Variants in NTNG1 observed in about 807,000 individuals in gnomAD.
NTNG1 encodes netrin G1, also known as netrin-G1.
A neutral mutation model predicts 54.0 loss-of-function variants in NTNG1; 16 were observed. That is an observed-to-expected ratio of 0.30 (90% CI 0.20 to 0.45). NTNG1 has a LOEUF of 0.45. Ranked by LOEUF, NTNG1 falls within the 20% of genes least tolerant of loss-of-function variation. The pLI is 1.00. For missense variants in NTNG1, 530 were observed against 678.7 expected (o/e 0.78, Z 2.43); for synonymous variants, 255 against 263.1 (o/e 0.97, Z 0.30).
At chr1:107,389,515 T>C (rs1344511133) in intron 3 of NTNG1, among the ~76,000 whole-genome samples, 2 of 152,172 alleles carry the variant, frequency 1.3e-5, no homozygotes, top group African/African-American at 2.4e-5. Flanking sequence ...ATAAGCAAGA[T>C]TAAATTGACT....
intron 3 of NTNG1, among the ~76,000 whole-genome samples, chr1:107,393,335 C>T (rs1002930552): frequency 2.6e-5 from 4 of 152,120 alleles, no homozygotes; most frequent in African/African-American, 4.8e-5. Flanking sequence ...TATAGAAACA[C>T]ACCCATAAAT....
At chr1:107,194,713 T>C (rs761319690) in intron 2 of NTNG1, among the ~76,000 whole-genome samples, 7 of 152,056 alleles carry the variant, frequency 4.6e-5, no homozygotes, top group Non-Finnish European at 7.4e-5. Flanking sequence ...TTTATCACAA[T>C]GCAATTTGCT....
intron 3 of NTNG1, among the ~76,000 whole-genome samples, chr1:107,361,391 A>ATTTTTTT (rs1177736263): frequency 2.3e-5 from 2 of 87,974 alleles, no homozygotes; most frequent in East Asian, 3.3e-4. Context: ...ATATATATAT[A>ATTTTTTT]TTTTTTTTTT....
At chr1:107,327,305 G>A (rs545014565) in intron 3 of NTNG1, among the ~76,000 whole-genome samples, 7 of 152,222 alleles carry the variant, frequency 4.6e-5, no homozygotes, top group South Asian at 2.1e-4. Context: ...TGGCTCGGGC[G>A]TGTCTCCAGC....
intron 2 of NTNG1, among the ~76,000 whole-genome samples, chr1:107,169,466 T>C (rs540866494): frequency 6.6e-6 from 1 of 152,250 alleles, no homozygotes; most frequent in Admixed American, 6.5e-5. Flanking sequence ...TCTCATTTGC[T>C]GGTCCTTAGA....
At chr1:107,431,034 G>A (rs1675228946) in intron 6 of NTNG1, 117 bp downstream of exon 6, 2 of 837,450 alleles carry the variant, frequency 2.4e-6, no homozygotes, top group South Asian at 1.8e-5. Flanking sequence ...CTTTCTCAAT[G>A]TAGAAAATAT....
intron 2 of NTNG1, among the ~76,000 whole-genome samples, chr1:107,193,629 T>A (rs1658118451): frequency 6.6e-6 from 1 of 151,982 alleles, no homozygotes; most frequent in African/African-American, 2.4e-5. Context: ...TTGAGTGAAG[T>A]TAGGTGACTT....
intron 3 of NTNG1, among the ~76,000 whole-genome samples, chr1:107,347,680 G>A (rs533603421): frequency 7.9e-5 from 12 of 152,184 alleles, no homozygotes; most frequent in African/African-American, 2.4e-4. Flanking sequence ...AGAAATACCC[G>A]AGACTGGGTA....
Position 107,228,879 on chromosome 1 carries a change from G to C in NTNG1, c.246+80040G>C, listed in dbSNP as rs146927445. Among the ~76,000 whole-genome samples the C allele has an allele frequency of 7.2e-5, 11 of 152,286 alleles. No individual in the cohort carries two copies. The East Asian group carries it at 2.1e-3, about 29-fold the overall frequency. On this transcript the variant is annotated intron_variant, in intron 2 of 7. Transcript: ENST00000370068. ...TAAATGGCAAGACAAGCCATGTGCT[G>C]TGGTCAGCCTTCCAGGGCTGGCAGC...
chr1:107,171,469 T>C (rs1021259690), intron 2 of NTNG1, among the ~76,000 whole-genome samples: 5 of 152,250 alleles, frequency 3.3e-5, no homozygotes, highest in African/African-American at 9.6e-5. Flanking sequence ...GAAGGACTTT[T>C]ATGACTTGAG....
At chr1:107,472,886 T>A (rs1678073542) in intron 7 of NTNG1, among the ~76,000 whole-genome samples, 1 of 152,070 alleles carries the variant, frequency 6.6e-6, no homozygotes, top group Non-Finnish European at 1.5e-5. Flanking sequence ...ATCTCACATA[T>A]CACAACTTAG....
chr1:107,340,223 TAGAA>T (rs1404680191), intron 3 of NTNG1, among the ~76,000 whole-genome samples: 1 of 152,064 alleles, frequency 6.6e-6, no homozygotes, highest in Non-Finnish European at 1.5e-5. Flanking sequence ...TATATATGCT[TAGAA>T]AGACATGCTT....
intron 3 of NTNG1, among the ~76,000 whole-genome samples, chr1:107,384,205 A>C (rs764496091): frequency 2.6e-5 from 4 of 152,174 alleles, no homozygotes; most frequent in Non-Finnish European, 5.9e-5. Flanking sequence ...CCTCCCTTGC[A>C]AGCTTAGAAA....
At chr1:107,322,481 G>C (rs947947761) in intron 2 of NTNG1, among the ~76,000 whole-genome samples, 4 of 152,060 alleles carry the variant, frequency 2.6e-5, no homozygotes, top group Non-Finnish European at 5.9e-5. Flanking sequence ...CCTGTAAAAT[G>C]TGCATTTACA....
intron 7 of NTNG1, among the ~76,000 whole-genome samples, chr1:107,465,829 G>T (rs1677570162): frequency 6.6e-6 from 1 of 152,136 alleles, no homozygotes. Context: ...TACAATTGAA[G>T]TAATAATAAT....
intron 7 of NTNG1, among the ~76,000 whole-genome samples, chr1:107,448,541 A>G (rs931560536): frequency 6.6e-6 from 1 of 152,120 alleles, no homozygotes; most frequent in African/African-American, 2.4e-5. Context: ...GCATTTTAAT[A>G]AGATCTCCAG....
intron 2 of NTNG1, among the ~76,000 whole-genome samples, chr1:107,319,886 A>T (rs1369411294): frequency 1.5e-5 from 2 of 136,060 alleles, no homozygotes; most frequent in Non-Finnish European, 3.1e-5. Context: ...TATATATATA[A>T]AACTCTGAAG....
In NTNG1 at chr1:107,293,561, G is replaced by C. The variant is rs1665755927; in HGVS notation, c.247-30721G>C. On this transcript the variant is annotated intron_variant, in intron 2 of 7. Transcript: ENST00000370068. The stretch of plus-strand genomic sequence containing the variant: ...AATGTCTTGGAAATTTACATATGTG[G>C]AACATTAGAGTAAGAAAAGAGACTG... 2.6e-5 allele frequency among the ~76,000 whole-genome samples: 4 copies of C among 152,108 alleles called. No homozygotes were observed. In the South Asian group the frequency reaches 8.3e-4, roughly 32 times the overall value.
At chr1:107,459,191 A>G (rs1225005036) in intron 7 of NTNG1, among the ~76,000 whole-genome samples, 2 of 152,220 alleles carry the variant, frequency 1.3e-5, no homozygotes, top group African/African-American at 2.4e-5. Flanking sequence ...TTGCAAAGAC[A>G]TATATGCATA....
Sources: allele counts gnomAD v4.1 joint callset (sites outside exome capture counted in the v4.1 genomes callset), GRCh38; gene constraint gnomAD v4.1.1; transcripts MANE v1.5; gene names NCBI Gene and HGNC (gene_info 2026-07-23, HGNC 2026-07-21).